Variants in NXN observed in about 807,000 individuals in gnomAD.
The protein encoded by NXN is nucleoredoxin.
A neutral mutation model predicts 48.6 loss-of-function variants in NXN; 16 were observed. The observed-to-expected ratio is 0.33, with a 90% CI of 0.22 to 0.50. NXN has a LOEUF of 0.50. NXN is among the 20% of genes least tolerant of loss of function. The pLI, the probability that NXN is intolerant of heterozygous loss-of-function variation, is 0.98. For synonymous variants in NXN, 281 were observed against 269.6 expected (o/e 1.04, Z -0.41); for missense variants, 492 against 605.5 (o/e 0.81, Z 1.97).
At chr17:834,303 C>T (rs1199117195) in intron 1 of NXN, among the ~76,000 whole-genome samples, 1 of 152,158 alleles carries the variant, frequency 6.6e-6, no homozygotes. Context: ...GCATGAGTGA[C>T]GGGGCAAGAC....
chr17:935,707 C>T (rs1324206767), intron 1 of NXN, among the ~76,000 whole-genome samples: 2 of 152,106 alleles, frequency 1.3e-5, no homozygotes, highest in African/African-American at 2.4e-5. Context: ...GCTATTCATG[C>T]GGGTATTGAC....
Position 814,155 on chromosome 17 carries a change from C to T in NXN, c.820+5284G>A, listed in dbSNP as rs574960645. Among the ~76,000 whole-genome samples, 113 of 148,610 alleles carry T rather than the reference C, an allele frequency of 7.6e-4. 1 individual carries two copies. Among genetic ancestry groups the T allele is most frequent in the Admixed American group, 4.8e-4 (7 of 14,684 alleles). ...TGGGTGCCTATAATCCCAGCTACTC[C>T]GGAGGCTGACGCAGGAGAACGGCGT... is the stretch of plus-strand genomic sequence containing the variant. On this transcript the variant is annotated intron_variant, in intron 5 of 7. Transcript: ENST00000336868.
At chr17:961,802 T>C (rs1348993298) in intron 1 of NXN, among the ~76,000 whole-genome samples, 6 of 152,164 alleles carry the variant, frequency 3.9e-5, no homozygotes, top group Admixed American at 1.3e-4. Flanking sequence ...TGCAACCAAA[T>C]GAATTATAAA....
At chr17:968,863 A>C (rs927321818) in intron 1 of NXN, among the ~76,000 whole-genome samples, 1 of 151,912 alleles carries the variant, frequency 6.6e-6, no homozygotes, top group African/African-American at 2.4e-5. Context: ...CTTGAACCTA[A>C]GAGGCAGAGG....
intron 1 of NXN, among the ~76,000 whole-genome samples, chr17:865,554 T>G (rs1380560859): frequency 6.6e-6 from 1 of 151,986 alleles, no homozygotes; most frequent in Non-Finnish European, 1.5e-5. Flanking sequence ...GTTACACATT[T>G]TCTATAAAGC....
intron 1 of NXN, among the ~76,000 whole-genome samples, chr17:833,361 C>T (rs527615376): frequency 1.6e-4 from 24 of 152,190 alleles, no homozygotes; most frequent in African/African-American, 4.6e-4. Flanking sequence ...GAAAAACACA[C>T]GAATCAGAAG....
At chr17:944,338 G>A (rs1282161689) in intron 1 of NXN, among the ~76,000 whole-genome samples, 4 of 152,144 alleles carry the variant, frequency 2.6e-5, no homozygotes, top group Non-Finnish European at 4.4e-5. Context: ...TTCCTGTCTC[G>A]TCCATATTGG....
chr17:847,590 G>A (rs964679352), intron 1 of NXN, among the ~76,000 whole-genome samples: 8 of 152,212 alleles, frequency 5.3e-5, no homozygotes, highest in South Asian at 2.1e-4. Context: ...GACCAGCCAC[G>A]TCCACAGCAA....
At chr17:945,693 G>A (rs1330655078) in intron 1 of NXN, among the ~76,000 whole-genome samples, 1 of 151,952 alleles carries the variant, frequency 6.6e-6, no homozygotes, top group East Asian at 1.9e-4. Context: ...CACAAAGTCG[G>A]TGGATATTAA....
At chr17:835,038 G>A (rs1913713044) in intron 1 of NXN, among the ~76,000 whole-genome samples, 2 of 151,740 alleles carry the variant, frequency 1.3e-5, no homozygotes, top group Admixed American at 1.3e-4. Flanking sequence ...GCCTGGCGCG[G>A]TGGCTCACGC....
At chr17:951,081 A>C (rs530519250) in intron 1 of NXN, among the ~76,000 whole-genome samples, 2 of 150,292 alleles carry the variant, frequency 1.3e-5, no homozygotes, top group South Asian at 4.3e-4. Flanking sequence ...TCACGCCTGT[A>C]ATCCCAGCAC....
intron 1 of NXN, among the ~76,000 whole-genome samples, chr17:941,374 A>AT (rs1401752151): frequency 6.7e-6 from 1 of 148,612 alleles, no homozygotes; most frequent in Non-Finnish European, 1.5e-5. Context: ...ACAAGATTCC[A>AT]GGGTGCAGCC....
chr17:977,699 C>A (rs2150648591), intron 1 of NXN, among the ~76,000 whole-genome samples: 1 of 152,304 alleles, frequency 6.6e-6, no homozygotes, highest in South Asian at 2.1e-4. Context: ...CTTTAGTCTA[C>A]AACAGAAACT....
intron 3 of NXN, among the ~76,000 whole-genome samples, 165 bp from the exon 4 acceptor site, chr17:822,622 T>C (rs1308790334): frequency 6.6e-6 from 1 of 152,048 alleles, no homozygotes; most frequent in Non-Finnish European, 1.5e-5. Context: ...CCTGGGAGGC[T>C]GAGGTCAGAA....
intron 1 of NXN, among the ~76,000 whole-genome samples, chr17:900,639 A>T (rs889198488): frequency 6.6e-6 from 1 of 152,188 alleles, no homozygotes; most frequent in Admixed American, 6.5e-5. Flanking sequence ...GAATGATACT[A>T]GTTTTTCAAA....
intron 1 of NXN, among the ~76,000 whole-genome samples, chr17:852,821 AC>A (rs1256018120): frequency 1.3e-5 from 2 of 151,858 alleles, no homozygotes; most frequent in Admixed American, 6.5e-5. Flanking sequence ...AAAGAGCTTG[AC>A]CAGAAGTGTT....
Position 920,615 on chromosome 17 carries a change from T to C in NXN, c.360+58704A>G, listed in dbSNP as rs1437257362. On this transcript the variant is annotated intron_variant, in intron 1 of 7. Transcript: ENST00000336868. This position sits in a 1 kb window ranked among gnomAD's most constrained non-coding sequence, Gnocchi z 4.6. ...CTAGCCCAGGGTGGGTCTCATCAAC[T>C]GTACCCTCACTGGCAGCACCCAGGA... Among the ~76,000 whole-genome samples the C allele has an allele frequency of 5.9e-5, 9 of 152,098 alleles. No individual in the cohort carries two copies. The highest frequency in any genetic ancestry group is 1.7e-4 in the African/African-American group (7 of 41,430).
chr17:829,505 C>G (rs1304710180), intron 1 of NXN, among the ~76,000 whole-genome samples: 1 of 148,206 alleles, frequency 6.7e-6, no homozygotes, highest in African/African-American at 2.5e-5. Context: ...GCAGAATGTG[C>G]AGGTTTGTTA....
At chr17:906,019 T>C (rs1234534627) in intron 1 of NXN, among the ~76,000 whole-genome samples, 1 of 151,856 alleles carries the variant, frequency 6.6e-6, no homozygotes, top group Non-Finnish European at 1.5e-5. Flanking sequence ...CAGGTGAAGT[T>C]AATCTTAATA....
Sources: allele counts gnomAD v4.1 joint callset (sites outside exome capture counted in the v4.1 genomes callset), GRCh38; gene constraint gnomAD v4.1.1; non-coding constraint Gnocchi (gnomAD v3.1); transcripts MANE v1.5; gene names NCBI Gene and HGNC (gene_info 2026-07-23, HGNC 2026-07-21).